The following MCC variants were observed in gnomAD, a reference collection of about 807,000 sequenced individuals.
MCC encodes the protein MCC regulator of Wnt signaling pathway, also known as colorectal mutant cancer protein.
Under a neutral mutation model 116.2 loss-of-function variants are expected in MCC, and 90 were observed. The observed-to-expected ratio is 0.77, with a 90% CI of 0.65 to 0.92. MCC has a LOEUF of 0.92. MCC is among the 40% of genes least tolerant of loss of function. MCC has a pLI of 0.00. For synonymous variants in MCC, 578 were observed against 510.5 expected (o/e 1.13, Z -1.78); for missense variants, 1,516 against 1,312.2 (o/e 1.16, Z -2.40).
chr5:113,150,513 G>C (rs1242773078), intron 4 of MCC, among the ~76,000 whole-genome samples: 6 of 151,798 alleles, frequency 4.0e-5, no homozygotes. Context: ...TTAGGAATTA[G>C]AAAAATTCAG....
At chr5:113,485,946 C>T (rs348955) in intron 1 of MCC, among the ~76,000 whole-genome samples, 104,793 of 152,114 alleles carry the variant, frequency 0.69, 36,527 homozygotes, top group East Asian at 0.88. Context: ...CTCCAAACCA[C>T]ATCACCCACT....
At chr5:113,099,061 G>C (rs1756230334) in intron 8 of MCC, among the ~76,000 whole-genome samples, 1 of 151,772 alleles carries the variant, frequency 6.6e-6, no homozygotes, top group Non-Finnish European at 1.5e-5. Flanking sequence ...GCTGGAAGAA[G>C]ACTTTTGGCA....
intron 6 of MCC, among the ~76,000 whole-genome samples, chr5:113,111,792 A>C (rs1757116297): frequency 6.6e-6 from 1 of 152,198 alleles, no homozygotes; most frequent in Non-Finnish European, 1.5e-5. Flanking sequence ...TCTGGAAAGG[A>C]GGTAAGAGGA....
chr5:113,297,006 C>A (rs1002749586), intron 3 of MCC, among the ~76,000 whole-genome samples: 28 of 152,156 alleles, frequency 1.8e-4, no homozygotes, highest in African/African-American at 6.5e-4. Flanking sequence ...ACTTTATAGA[C>A]AATATAAGGC....
intron 16 of MCC, chr5:113,044,561 A>G: frequency 2.7e-6 from 2 of 739,218 alleles, no homozygotes; most frequent in East Asian, 1.3e-4. Flanking sequence ...AGGAGATGGA[A>G]TGTAAACAGA....
intron 3 of MCC, among the ~76,000 whole-genome samples, chr5:113,279,282 G>A (rs1465059440): frequency 1.3e-5 from 2 of 152,232 alleles, no homozygotes; most frequent in African/African-American, 2.4e-5. Context: ...AGAGTCACCC[G>A]AAGCATTGCA....
At chr5:113,141,597 C>A (rs7737030) in intron 5 of MCC, among the ~76,000 whole-genome samples, 5 of 152,208 alleles carry the variant, frequency 3.3e-5, no homozygotes, top group South Asian at 4.1e-4. Context: ...TTGGTCTACA[C>A]GTCTAAGTGC....
chr5:113,472,200 G>A (rs1232056997), intron 1 of MCC, among the ~76,000 whole-genome samples: 1 of 152,186 alleles, frequency 6.6e-6, no homozygotes. Context: ...TCCCCAGTGA[G>A]ATGAACCCGG....
chr5:113,332,897 G>T (rs1767734074), intron 3 of MCC, among the ~76,000 whole-genome samples: 1 of 151,488 alleles, frequency 6.6e-6, no homozygotes, highest in African/African-American at 2.4e-5. Context: ...CTTTGAAAGA[G>T]CACCCAGTAA....
At chr5:113,287,721 A>G (rs150778210) in intron 3 of MCC, among the ~76,000 whole-genome samples, 158 of 152,302 alleles carry the variant, frequency 1.0e-3, no homozygotes, top group Non-Finnish European at 3.7e-4. Flanking sequence ...GCATTGGGTA[A>G]ATCAGCTAGG....
intron 3 of MCC, among the ~76,000 whole-genome samples, chr5:113,274,505 G>A (rs528261724): frequency 6.6e-5 from 10 of 152,218 alleles, no homozygotes; most frequent in Admixed American, 3.9e-4. Flanking sequence ...GATTACAGGC[G>A]CATGCCACCA....
chr5:113,304,770 A>T (rs1459912208), intron 3 of MCC, among the ~76,000 whole-genome samples: 3 of 152,234 alleles, frequency 2.0e-5, no homozygotes, highest in Admixed American at 2.0e-4. Context: ...GGAAGTTAAA[A>T]AAAAAAGTTT....
chr5:113,068,306 G>C (rs1462565781), intron 12 of MCC, 123 bp from the exon 13 acceptor site: 2 of 682,734 alleles, frequency 2.9e-6, no homozygotes, highest in Non-Finnish European at 5.2e-6. Flanking sequence ...ACACAGGCAA[G>C]GAAACCACCC....
intron 1 of MCC, among the ~76,000 whole-genome samples, chr5:113,472,665 A>T (rs556787350): frequency 6.6e-6 from 1 of 152,326 alleles, no homozygotes; most frequent in South Asian, 2.1e-4. Flanking sequence ...TGAATAGCAA[A>T]TTATTCCTTT....
intron 2 of MCC, among the ~76,000 whole-genome samples, chr5:113,347,329 TA>T (rs1458200558): frequency 2.6e-5 from 4 of 152,064 alleles, no homozygotes; most frequent in African/African-American, 9.7e-5. Context: ...AACAAAAAGT[TA>T]AAAACTGGGG....
intron 8 of MCC, among the ~76,000 whole-genome samples, chr5:113,098,400 G>GTAAC (rs1756180840): frequency 6.6e-6 from 1 of 152,198 alleles, no homozygotes; most frequent in African/African-American, 2.4e-5. Context: ...GTTCATCACT[G>GTAAC]TAACCCCTCT....
At chr5:113,322,637 T>G (rs2150371719) in intron 3 of MCC, among the ~76,000 whole-genome samples, 1 of 152,318 alleles carries the variant, frequency 6.6e-6, no homozygotes, top group South Asian at 2.1e-4. Context: ...TATTTCTACC[T>G]CCTGTTTTAA....
chr5:113,481,687 C>T (rs568274095), intron 1 of MCC, among the ~76,000 whole-genome samples: 11 of 152,102 alleles, frequency 7.2e-5, no homozygotes, highest in South Asian at 6.2e-4. Context: ...TGCAGTGAGC[C>T]GAGATTGTGC....
chr5:113,117,409 C>T lies in MCC; in HGVS notation c.1027+5275G>A, dbSNP rs570727359. ...AAATCTAAGTGATCACACCAGAAAG[C>T]AAGGTATTCTATGCATAGGACACCT... On this transcript the variant is annotated intron_variant, in intron 6 of 18. Coordinates refer to ENST00000408903, the MANE Select transcript of MCC (RefSeq NM_001085377.2). Among the ~76,000 whole-genome samples the T allele has an allele frequency of 3.3e-5, 5 of 152,328 alleles. 1 individual carries two copies. The South Asian group carries it at 1.0e-3, about 32-fold the overall frequency.
Sources: allele counts gnomAD v4.1 joint callset (sites outside exome capture counted in the v4.1 genomes callset), GRCh38; gene constraint gnomAD v4.1.1; transcripts MANE v1.5; gene names NCBI Gene and HGNC (gene_info 2026-07-23, HGNC 2026-07-21).